Variants in CAMK1D observed in about 807,000 individuals in gnomAD.
CAMK1D encodes the protein calcium/calmodulin-dependent protein kinase type 1D.
In CAMK1D, 9 loss-of-function variants were observed where a neutral mutation model predicts 47.7. The ratio of observed to expected loss-of-function variants is 0.19; its 90% CI spans 0.11 to 0.33. The LOEUF is 0.33. Among genes scored for constraint, CAMK1D ranks in the 10% least tolerant of loss-of-function variants. The probability of loss-of-function intolerance (pLI) is 1.00; values close to 1 mark genes in which losing one functional copy is unlikely to be tolerated. For synonymous variants in CAMK1D, 184 were observed against 184.9 expected (o/e 0.99, Z 0.04); for missense variants, 291 against 488.7 (o/e 0.60, Z 3.81).
intron 3 of CAMK1D, among the ~76,000 whole-genome samples, chr10:12,749,464 A>G (rs541188219): frequency 4.1e-5 from 6 of 147,656 alleles, no homozygotes; most frequent in East Asian, 4.1e-4. Flanking sequence ...AAAAAAAAAA[A>G]GAAATCCATT....
intron 3 of CAMK1D, among the ~76,000 whole-genome samples, chr10:12,699,650 A>G (rs1456495439): frequency 7.2e-6 from 1 of 138,460 alleles, no homozygotes; most frequent in Non-Finnish European, 1.5e-5. Flanking sequence ...CTGTAACTTG[A>G]AAAAAAAAAA....
chr10:12,515,486 T>G (rs1835177464), intron 1 of CAMK1D, among the ~76,000 whole-genome samples: 1 of 140,742 alleles, frequency 7.1e-6, no homozygotes, highest in Non-Finnish European at 1.5e-5. Flanking sequence ...GTTACATATG[T>G]ATACATGTGC....
intron 3 of CAMK1D, among the ~76,000 whole-genome samples, chr10:12,696,870 C>T (rs1477624981): frequency 6.6e-6 from 1 of 152,196 alleles, no homozygotes; most frequent in Non-Finnish European, 1.5e-5. Context: ...ACACACAGTT[C>T]ATGCTTAGAA....
At chr10:12,815,177 C>T (rs1588960616) in intron 7 of CAMK1D, among the ~76,000 whole-genome samples, 1 of 152,162 alleles carries the variant, frequency 6.6e-6, no homozygotes, top group East Asian at 1.9e-4. Context: ...CACTCTGAAA[C>T]GTTCCTAGGG....
intron 2 of CAMK1D, among the ~76,000 whole-genome samples, chr10:12,617,152 G>C (rs1307483935): frequency 6.6e-6 from 1 of 152,128 alleles, no homozygotes; most frequent in African/African-American, 2.4e-5. Context: ...AAAGTTATTA[G>C]TTGCAAAAAC....
chr10:12,587,453 C>T (rs1392903745), intron 2 of CAMK1D, among the ~76,000 whole-genome samples: 4 of 151,770 alleles, frequency 2.6e-5, no homozygotes, highest in South Asian at 2.1e-4. Context: ...TGATGACAGC[C>T]GGGGCTTCTG....
intron 3 of CAMK1D, among the ~76,000 whole-genome samples, chr10:12,759,009 G>A (rs1337392607): frequency 1.3e-5 from 2 of 152,252 alleles, no homozygotes; most frequent in African/African-American, 4.8e-5. Context: ...TCACTGGCAT[G>A]TAATGGGCAC....
intron 2 of CAMK1D, among the ~76,000 whole-genome samples, chr10:12,578,048 C>T (rs543486711): frequency 1.4e-4 from 21 of 152,274 alleles, no homozygotes; most frequent in East Asian, 5.8e-4. Context: ...CAACTCTGCA[C>T]GGAAGGTATT....
rs1203047340 is a variant in CAMK1D at position 12,734,341 on chromosome 10, AAAAAATATATATAT to A, written c.300-26605_300-26592del. 2.2e-4 allele frequency among the ~76,000 whole-genome samples: 6 copies of A among 27,370 alleles called. No individual in the cohort carries two copies. In the East Asian group the frequency reaches 2.5e-3, roughly 12 times the overall value. The allele number at this position is 27,370 out of a possible 152,430, so 18.0% of individuals were successfully genotyped here. On this transcript the variant is annotated intron_variant, in intron 3 of 10. Coordinates refer to ENST00000619168, the MANE Select transcript of CAMK1D (RefSeq NM_153498.4). ...CCATCTCAAAAAAAAAAAAAAAAAA[AAAAAATATATATAT>A]ATATATATATATATATATATATAGA...
intron 3 of CAMK1D, among the ~76,000 whole-genome samples, chr10:12,717,731 G>A (rs1437898751): frequency 1.5e-4 from 18 of 121,182 alleles, no homozygotes; most frequent in African/African-American, 5.2e-4. Flanking sequence ...ACAAAAAATT[G>A]AAAAAAAAAA....
intron 1 of CAMK1D, among the ~76,000 whole-genome samples, chr10:12,530,569 G>A (rs1451663674): frequency 4.6e-5 from 7 of 152,306 alleles, no homozygotes; most frequent in African/African-American, 7.2e-5. Context: ...GGAGAAGTAC[G>A]AAAATCCTGT....
chr10:12,703,217 C>T (rs1421236393), intron 3 of CAMK1D, among the ~76,000 whole-genome samples: 4 of 152,206 alleles, frequency 2.6e-5, no homozygotes, highest in Non-Finnish European at 4.4e-5. Flanking sequence ...TAATGAGCAG[C>T]TTTGGTCAAT....
chr10:12,498,420 T>C (rs1834604895), intron 1 of CAMK1D, among the ~76,000 whole-genome samples: 1 of 152,136 alleles, frequency 6.6e-6, no homozygotes. Context: ...GGTTATCCAG[T>C]AGACAAGGCC....
At chr10:12,693,747 G>C (rs978397352) in intron 3 of CAMK1D, among the ~76,000 whole-genome samples, 2 of 150,042 alleles carry the variant, frequency 1.3e-5, no homozygotes, top group African/African-American at 4.9e-5. Context: ...TCTTGGACTT[G>C]ACAGCCCTCA....
intron 1 of CAMK1D, among the ~76,000 whole-genome samples, chr10:12,495,832 T>A (rs918423590): frequency 6.6e-6 from 1 of 152,056 alleles, no homozygotes; most frequent in African/African-American, 2.4e-5. Context: ...TATGTATATA[T>A]TTTTTTTCTT....
intron 3 of CAMK1D, among the ~76,000 whole-genome samples, chr10:12,681,054 A>G (rs1840977040): frequency 6.6e-6 from 1 of 152,080 alleles, no homozygotes; most frequent in South Asian, 2.1e-4. Context: ...CTCTGCAGCC[A>G]GGAGGATCAC....
At chr10:12,409,043 G>T (rs913582874) in intron 1 of CAMK1D, among the ~76,000 whole-genome samples, 5 of 151,946 alleles carry the variant, frequency 3.3e-5, no homozygotes, top group African/African-American at 1.2e-4. Flanking sequence ...TTTTAGTAGA[G>T]ACGGAGTTTC....
chr10:12,555,761 C>A (rs865884299), intron 2 of CAMK1D, among the ~76,000 whole-genome samples: 1 of 152,076 alleles, frequency 6.6e-6, no homozygotes, highest in Non-Finnish European at 1.5e-5. Flanking sequence ...GTTGATGGAT[C>A]GAGGGTGATG....
intron 1 of CAMK1D, among the ~76,000 whole-genome samples, chr10:12,541,570 A>G (rs1836175214): frequency 6.6e-6 from 1 of 152,052 alleles, no homozygotes; most frequent in Non-Finnish European, 1.5e-5. Flanking sequence ...CATGTTGGTC[A>G]GGCTGGTCTC....
Sources: allele counts gnomAD v4.1 joint callset (sites outside exome capture counted in the v4.1 genomes callset), GRCh38; gene constraint gnomAD v4.1.1; transcripts MANE v1.5; gene names NCBI Gene and HGNC (gene_info 2026-07-23, HGNC 2026-07-21).